Variants in RBFOX1 observed in about 807,000 individuals in gnomAD.
RBFOX1 encodes the protein RNA binding fox-1 homolog 1, also known as RNA binding protein fox-1 homolog 1.
In RBFOX1, 8 loss-of-function variants were observed where a neutral mutation model predicts 57.7. The observed-to-expected ratio is 0.14, with a 90% confidence interval of 0.08 to 0.25. RBFOX1 has a LOEUF of 0.25. Ranked by LOEUF, RBFOX1 falls within the 10% of genes least tolerant of loss-of-function variation. The pLI is 1.00. For synonymous variants in RBFOX1, 326 were observed against 222.4 expected, an observed-to-expected ratio of 1.47 and a Z score of -4.15; for missense variants, 611 against 548.5, an observed-to-expected ratio of 1.11 and a Z score of -1.14.
chr16:5,680,254 G>T (rs937023149), intron 3 of RBFOX1, among the ~76,000 whole-genome samples: 2 of 152,164 alleles, frequency 1.3e-5, no homozygotes, highest in Non-Finnish European at 2.9e-5. Context: ...ATGAAAATGG[G>T]AGCTCAGTCT....
chr16:7,002,068 TG>T (rs772877807), intron 3 of RBFOX1, among the ~76,000 whole-genome samples: 68 of 152,070 alleles, frequency 4.5e-4, no homozygotes, highest in Non-Finnish European at 4.9e-4. Flanking sequence ...GAGAGATTCC[TG>T]GGGGACTTTG....
At chr16:6,390,553 A>AG (rs1173253197) in intron 2 of RBFOX1, among the ~76,000 whole-genome samples, 1 of 147,374 alleles carries the variant, frequency 6.8e-6, no homozygotes, top group Non-Finnish European at 1.5e-5. Context: ...GGAGGGAGTG[A>AG]GAAAAAAAAA....
intron 1 of RBFOX1, among the ~76,000 whole-genome samples, chr16:5,351,033 T>G (rs2065251436): frequency 6.6e-6 from 1 of 152,166 alleles, no homozygotes; most frequent in African/African-American, 2.4e-5. Flanking sequence ...CACCCACGAA[T>G]TATTAAGCAA....
At chr16:7,410,982 G>C (rs1303497228) in intron 4 of RBFOX1, among the ~76,000 whole-genome samples, 1 of 151,992 alleles carries the variant, frequency 6.6e-6, no homozygotes, top group Non-Finnish European at 1.5e-5. Flanking sequence ...GTCTCACTCT[G>C]TCACCCAGGT....
At chr16:6,984,996 C>A (rs908383207) in intron 3 of RBFOX1, among the ~76,000 whole-genome samples, 1 of 152,034 alleles carries the variant, frequency 6.6e-6, no homozygotes. Context: ...AGGGAGGGCT[C>A]CTTGAAAAAC....
At chr16:7,048,652 C>T (rs8055935) in intron 3 of RBFOX1, among the ~76,000 whole-genome samples, 1 of 151,968 alleles carries the variant, frequency 6.6e-6, no homozygotes, top group Non-Finnish European at 1.5e-5. Context: ...CGTTTGGAGT[C>T]GTTTTATAAC....
At chr16:5,254,669 C>T (rs1192562557) in intron 1 of RBFOX1, among the ~76,000 whole-genome samples, 1 of 152,168 alleles carries the variant, frequency 6.6e-6, no homozygotes, top group South Asian at 2.1e-4. Context: ...CCTGCATCCC[C>T]CACCCAGCTT....
chr16:5,709,584 G>C (rs1340513568), intron 3 of RBFOX1, among the ~76,000 whole-genome samples: 2 of 151,194 alleles, frequency 1.3e-5, no homozygotes, highest in Admixed American at 6.6e-5. Context: ...GCCTCCTCCT[G>C]ACACTTCCTG....
chr16:5,801,127 C>T (rs917557778), intron 3 of RBFOX1, among the ~76,000 whole-genome samples: 4 of 152,108 alleles, frequency 2.6e-5, no homozygotes, highest in Admixed American at 6.5e-5. Flanking sequence ...AGTTCCTGGG[C>T]GCATGTGTGA....
intron 3 of RBFOX1, among the ~76,000 whole-genome samples, chr16:6,960,412 G>T (rs1366770760): frequency 6.6e-6 from 1 of 152,068 alleles, no homozygotes. Context: ...ATATTTCCCA[G>T]GCCTTCTCCC....
intron 3 of RBFOX1, among the ~76,000 whole-genome samples, chr16:6,861,494 C>CG (rs1453660467): frequency 1.3e-5 from 2 of 151,408 alleles, no homozygotes; most frequent in African/African-American, 2.4e-5. Flanking sequence ...CCCTCCCCCC[C>CG]CGACTCAATT....
intron 4 of RBFOX1, among the ~76,000 whole-genome samples, chr16:7,517,310 C>G (rs1359289304): frequency 6.6e-6 from 1 of 151,942 alleles, no homozygotes; most frequent in East Asian, 1.9e-4. Context: ...GTAATTGTCA[C>G]ACTGCCTGTT....
chr16:6,444,487 C>T (rs977185330), intron 2 of RBFOX1, among the ~76,000 whole-genome samples: 1 of 152,246 alleles, frequency 6.6e-6, no homozygotes, highest in Admixed American at 6.5e-5. Context: ...CTCATGAGAT[C>T]TGATGGTTTT....
Position 6,351,804 on chromosome 16 carries a change from G to C in RBFOX1, c.-64+34747G>C, listed in dbSNP as rs149772246. Among the ~76,000 whole-genome samples the C allele has an allele frequency of 3.5e-3, 533 of 152,264 alleles. 2 individuals carry two copies. Among genetic ancestry groups the C allele is most frequent in the African/African-American group, 0.012 (478 of 41,542 alleles). On this transcript the variant is annotated intron_variant, in intron 2 of 15. Transcript: ENST00000550418. ...ATTTCAGAAATGGAAGGCAAAATAA[G>C]GATATTAGCATTTCCTGAGGTACGT...
chr16:6,385,154 A>C (rs1168505894), intron 2 of RBFOX1, among the ~76,000 whole-genome samples: 1 of 152,330 alleles, frequency 6.6e-6, no homozygotes, highest in South Asian at 2.1e-4. Context: ...CATCATGGGA[A>C]GATGCTCTCA....
At chr16:5,343,953 G>A (rs1181747717) in intron 1 of RBFOX1, among the ~76,000 whole-genome samples, 1 of 152,136 alleles carries the variant, frequency 6.6e-6, no homozygotes, top group Non-Finnish European at 1.5e-5. Flanking sequence ...TGGTAAGAAC[G>A]CTTGAGCATA....
chr16:5,570,779 G>A (rs1252418525), intron 2 of RBFOX1, among the ~76,000 whole-genome samples: 1 of 150,336 alleles, frequency 6.7e-6, no homozygotes, highest in African/African-American at 2.5e-5. Flanking sequence ...GATCGAGGTT[G>A]TAGTGAGCTG....
intron 14 of RBFOX1, among the ~76,000 whole-genome samples, chr16:7,706,446 A>G (rs1470700116): frequency 6.6e-6 from 1 of 152,216 alleles, no homozygotes; most frequent in African/African-American, 2.4e-5. Flanking sequence ...GCCCAGCGTT[A>G]TAGAATTTAC....
intron 3 of RBFOX1, among the ~76,000 whole-genome samples, chr16:6,858,140 C>T (rs906780940): frequency 2.6e-5 from 4 of 152,238 alleles, no homozygotes; most frequent in African/African-American, 4.8e-5. Context: ...CAGTTATTAA[C>T]GTGACTGTAA....
Sources: gnomAD v4.1 joint callset for allele counts (sites outside exome capture counted in the v4.1 genomes callset) on GRCh38, gnomAD v4.1.1 for gene constraint, MANE v1.5 for transcripts, NCBI Gene and HGNC (gene_info 2026-07-23, HGNC 2026-07-21) for gene names.